FGF14: variants seen among roughly 807,000 people sequenced by gnomAD.
FGF14 encodes the protein fibroblast growth factor homologous factor 4.
A neutral mutation model predicts 25.5 loss-of-function variants in FGF14; 5 were observed. The ratio of observed to expected loss-of-function variants is 0.20; its 90% CI spans 0.10 to 0.41. The LOEUF is 0.41. FGF14 is among the 10% of genes least tolerant of loss of function. The probability of loss-of-function intolerance (pLI) is 1.00; values close to 1 mark genes in which losing one functional copy is unlikely to be tolerated. For synonymous variants in FGF14, 138 were observed against 118.3 expected (o/e 1.17, Z -1.08); for missense variants, 222 against 320.1 (o/e 0.69, Z 2.34).
chr13:102,056,909 A>G (rs2042456066), intron 1 of FGF14, among the ~76,000 whole-genome samples: 1 of 151,152 alleles, frequency 6.6e-6, no homozygotes, highest in Non-Finnish European at 1.5e-5. Flanking sequence ...GAATTTTAGA[A>G]AAGTAATGAT....
chr13:102,095,404 T>C (rs747699396), intron 1 of FGF14, among the ~76,000 whole-genome samples: 2 of 152,104 alleles, frequency 1.3e-5, no homozygotes, highest in Non-Finnish European at 2.9e-5. Context: ...TTTTACGACA[T>C]AGGCCCCTCT....
At chr13:102,172,458 C>T (rs926179016) in intron 1 of FGF14, among the ~76,000 whole-genome samples, 1 of 152,056 alleles carries the variant, frequency 6.6e-6, no homozygotes, top group African/African-American at 2.4e-5. Flanking sequence ...GTAACTTAGT[C>T]TAGTCAGTAA....
At position 101,720,509 on chromosome 13, in the gene FGF14, A is replaced by G. The variant is rs984448406; in HGVS notation, c.*2322T>C. On this transcript the variant is annotated 3_prime_UTR_variant, in exon 5 of 5. Coordinates refer to ENST00000376143, the MANE Select transcript of FGF14 (RefSeq NM_004115.4). Reference sequence around the variant, plus strand: ...GCAAGTAGGGCTAATTATCAGTAACAAATAGATGGGGGTGTTTGCTCTGTG... The same window carrying G: ...GCAAGTAGGGCTAATTATCAGTAACGAATAGATGGGGGTGTTTGCTCTGTG... 41 of 150,092 alleles carry G rather than the reference A, an allele frequency of 2.7e-4. No homozygotes were observed. The highest frequency in any genetic ancestry group is 8.1e-4 in the African/African-American group (33 of 40,564). The allele number at this position is 150,092 out of a possible 1,614,324, so 9.3% of individuals were successfully genotyped here. A position where few individuals can be genotyped will look rare whatever the true frequency, so the allele number is the denominator to read the frequency against.
chr13:102,028,350 G>A (rs1475572213), intron 1 of FGF14, among the ~76,000 whole-genome samples: 1 of 152,052 alleles, frequency 6.6e-6, no homozygotes, highest in East Asian at 1.9e-4. Context: ...AAGACCCAGG[G>A]GAGCTGATTT....
rs2034694213 is a variant in FGF14 at position 101,715,769 on chromosome 13, T to A, written c.*7062A>T. ...ACAGGTTAAAAAGACCATTGTATGT[T>A]TTTCTATTTCTGAATTACGAATGAA... On this transcript the variant is annotated 3_prime_UTR_variant, in exon 5 of 5. Coordinates refer to ENST00000376143, the MANE Select transcript of FGF14 (RefSeq NM_004115.4). 1.3e-5 allele frequency: 8 copies of A among 608,538 alleles called. No individual in the cohort carries two copies. The highest frequency in any genetic ancestry group is 2.4e-5 in the Non-Finnish European group (8 of 339,238). 37.7% of individuals were successfully genotyped at this position (608,538 alleles called of 1,614,324 possible).
chr13:102,200,026 C>T (rs574945266), intron 1 of FGF14, among the ~76,000 whole-genome samples: 98 of 152,290 alleles, frequency 6.4e-4, no homozygotes, highest in African/African-American at 2.2e-3. Context: ...AATCCTGTTT[C>T]ACTTGCAATT....
chr13:102,177,531 T>C (rs2048497505), intron 1 of FGF14, among the ~76,000 whole-genome samples: 1 of 152,178 alleles, frequency 6.6e-6, no homozygotes, highest in African/African-American at 2.4e-5. Flanking sequence ...TCTGTTACTT[T>C]TCAGAAATAC....
In FGF14 at chr13:101,711,980, A is replaced by G. The variant is rs1402857580; in HGVS notation, c.*10851T>C. Reference sequence around the variant, plus strand: ...GTTGAACCATTTCTCACCTCTTGATAGTCATGCAGCCTACATCTGTCTGAT... The same window carrying G: ...GTTGAACCATTTCTCACCTCTTGATGGTCATGCAGCCTACATCTGTCTGAT... On this transcript the variant is annotated 3_prime_UTR_variant, in exon 5 of 5. Coordinates refer to ENST00000376143, the MANE Select transcript of FGF14 (RefSeq NM_004115.4). The G allele has an allele frequency of 6.6e-6, 1 of 152,174 alleles. No homozygotes were observed. Among genetic ancestry groups the G allele is most frequent in the East Asian group, 1.9e-4 (1 of 5,186 alleles). 9.4% of individuals were successfully genotyped at this position (152,174 alleles called of 1,614,324 possible).
intron 1 of FGF14, among the ~76,000 whole-genome samples, chr13:102,392,886 A>G (rs1475387505): frequency 1.3e-5 from 2 of 152,142 alleles, no homozygotes; most frequent in African/African-American, 2.4e-5. Context: ...TCCACGCTGT[A>G]GTCATAATGG....
intron 1 of FGF14, among the ~76,000 whole-genome samples, chr13:102,338,325 C>G (rs561119091): frequency 1.1e-4 from 17 of 152,262 alleles, no homozygotes; most frequent in East Asian, 3.9e-4. Flanking sequence ...CCATGCCCCC[C>G]CTTCTGCCCA....
At chr13:101,780,080 T>G (rs2039395925) in intron 3 of FGF14, among the ~76,000 whole-genome samples, 1 of 152,192 alleles carries the variant, frequency 6.6e-6, no homozygotes, top group South Asian at 2.1e-4. Context: ...GGCAATTCAC[T>G]TAATATCCCT....
chr13:102,240,248 A>G (rs1352797130), intron 1 of FGF14, among the ~76,000 whole-genome samples: 3 of 152,212 alleles, frequency 2.0e-5, no homozygotes, highest in Non-Finnish European at 4.4e-5. Flanking sequence ...ATCTCTATAT[A>G]TAGCGATCTT....
intron 1 of FGF14, among the ~76,000 whole-genome samples, chr13:101,911,529 T>C (rs2032930577): frequency 6.6e-6 from 1 of 152,264 alleles, no homozygotes; most frequent in South Asian, 2.1e-4. Context: ...CAGAAACCTA[T>C]AGCAAATATG....
At chr13:102,170,537 C>T (rs371147568) in intron 1 of FGF14, among the ~76,000 whole-genome samples, 1 of 152,106 alleles carries the variant, frequency 6.6e-6, no homozygotes, top group Non-Finnish European at 1.5e-5. Context: ...CACAGAAGCA[C>T]GCATTTTACA....
At chr13:101,964,552 C>T (rs959815642) in intron 1 of FGF14, among the ~76,000 whole-genome samples, 1 of 152,092 alleles carries the variant, frequency 6.6e-6, no homozygotes. Context: ...ACAACATGAA[C>T]AAAGAAATAT....
intron 1 of FGF14, among the ~76,000 whole-genome samples, chr13:102,145,148 A>G (rs1236347127): frequency 6.6e-6 from 1 of 152,204 alleles, no homozygotes; most frequent in African/African-American, 2.4e-5. Flanking sequence ...GTGGGTAGGC[A>G]TATGAATCCT....
intron 1 of FGF14, among the ~76,000 whole-genome samples, chr13:102,125,431 T>C (rs964468576): frequency 1.3e-5 from 2 of 152,172 alleles, no homozygotes; most frequent in African/African-American, 2.4e-5. Flanking sequence ...TTTAGAATCA[T>C]AGAGCCAATT....
intron 1 of FGF14, among the ~76,000 whole-genome samples, chr13:102,119,441 C>G (rs1195015643): frequency 3.3e-5 from 5 of 152,026 alleles, no homozygotes; most frequent in Non-Finnish European, 5.9e-5. Flanking sequence ...AAGAAAATTA[C>G]TAGGGATGAC....
intron 1 of FGF14, among the ~76,000 whole-genome samples, chr13:102,020,323 C>T (rs1243580551): frequency 1.3e-5 from 2 of 151,784 alleles, no homozygotes; most frequent in Non-Finnish European, 2.9e-5. Context: ...CTGAGGCGGG[C>T]AGATCACCTA....
Sources: allele counts gnomAD v4.1 joint callset (sites outside exome capture counted in the v4.1 genomes callset), GRCh38; gene constraint gnomAD v4.1.1; transcripts MANE v1.5; gene names NCBI Gene and HGNC (gene_info 2026-07-23, HGNC 2026-07-21).